DLGAP4: variants seen among roughly 807,000 people sequenced by gnomAD.
The protein encoded by DLGAP4 is disks large-associated protein 4.
Under a neutral mutation model 86.9 loss-of-function variants are expected in DLGAP4, and 18 were observed. That is an observed-to-expected ratio of 0.21 (90% CI 0.14 to 0.31). DLGAP4 has a LOEUF of 0.31. DLGAP4 is among the 10% of genes least tolerant of loss of function. The pLI, the probability that DLGAP4 is intolerant of heterozygous loss-of-function variation, is 1.00. For synonymous variants in DLGAP4, 548 were observed against 574.3 expected (o/e 0.95, Z 0.65); for missense variants, 1,085 against 1,362.6 (o/e 0.80, Z 3.21).
At position 36,527,166 on chromosome 20, in the gene DLGAP4, T is replaced by C. The variant is rs529502630; in HGVS notation, c.*135T>C. 1.1e-6 allele frequency: 1 copy of C among 937,978 alleles called. No homozygotes were observed. Among genetic ancestry groups the C allele is most frequent in the East Asian group, 2.8e-5 (1 of 35,680 alleles). The allele number at this position is 937,978 out of a possible 1,614,324, so 58.1% of individuals were successfully genotyped here. ...CTGAGCCAACTTTCAAATTGACGCA[T>C]ACAAGGGCTCACAATTTGGCTTTTT... On this transcript the variant is annotated 3_prime_UTR_variant, in exon 13 of 13. Coordinates refer to ENST00000339266, the MANE Select transcript of DLGAP4 (RefSeq NM_001365621.2).
At chr20:36,521,592 T>G (rs988731076) in intron 10 of DLGAP4, among the ~76,000 whole-genome samples, 2 of 152,184 alleles carry the variant, frequency 1.3e-5, no homozygotes, top group Admixed American at 6.6e-5. Context: ...ATTTTGTACC[T>G]GAAGCCTTTC....
At chr20:36,461,751 G>GGGGCCCCCCC in intron 7 of DLGAP4, 1 of 618,846 alleles carries the variant, frequency 1.6e-6, no homozygotes, top group Non-Finnish European at 1.9e-6. Context: ...CCGTCCGTCC[G>GGGGCCCCCCC]CCCGCCCGCC....
At chr20:36,427,842 C>T (rs1175399533) in intron 2 of DLGAP4, among the ~76,000 whole-genome samples, 2 of 151,040 alleles carry the variant, frequency 1.3e-5, no homozygotes, top group East Asian at 4.0e-4. Flanking sequence ...ACTAGTTAGG[C>T]TGAGGCACGA....
At chr20:36,514,052 C>T (rs911826724) in intron 10 of DLGAP4, among the ~76,000 whole-genome samples, 2 of 152,172 alleles carry the variant, frequency 1.3e-5, no homozygotes, top group African/African-American at 4.8e-5. Context: ...AGAAGACAAG[C>T]TGTCTAAAGA....
At position 36,461,640 on chromosome 20, in the gene DLGAP4, C is replaced by G. The variant is rs1312409359; in HGVS notation, c.1648+14703C>G. 59 of 916,024 alleles carry G rather than the reference C, an allele frequency of 6.4e-5. 1 individual carries two copies. In the Admixed American group the frequency reaches 3.7e-3, roughly 58 times the overall value. The allele number at this position is 916,024 out of a possible 1,614,324, so 56.7% of individuals were successfully genotyped here. On this transcript the variant is annotated intron_variant, in intron 7 of 12. Coordinates refer to ENST00000339266, the MANE Select transcript of DLGAP4 (RefSeq NM_001365621.2). ...GCGCCGCCCGGAGCAGCCGCGGCCC[C>G]GCGAGGAGACGGGGGCCGCCCCGCC...
At position 36,527,941 on chromosome 20, in the gene DLGAP4, A is replaced by T. The variant is rs1018392157; in HGVS notation, c.*910A>T. ...CGGCGGTGTCTGTATGTATGTGTAC[A>T]TATGCACATAGACCTTAGAGTGTAT... On this transcript the variant is annotated 3_prime_UTR_variant, in exon 13 of 13. Coordinates refer to ENST00000339266, the MANE Select transcript of DLGAP4 (RefSeq NM_001365621.2). 1.3e-5 allele frequency: 2 copies of T among 152,590 alleles called. No individual in the cohort carries two copies. Among genetic ancestry groups the T allele is most frequent in the African/African-American group, 4.8e-5 (2 of 41,456 alleles). The allele number at this position is 152,590 out of a possible 1,614,324, so 9.5% of individuals were successfully genotyped here. A position where few individuals can be genotyped will look rare whatever the true frequency, so the allele number is the denominator to read the frequency against.
At chr20:36,362,699 G>A (rs1433894080) in intron 1 of DLGAP4, among the ~76,000 whole-genome samples, 1 of 152,208 alleles carries the variant, frequency 6.6e-6, no homozygotes, top group Non-Finnish European at 1.5e-5. Flanking sequence ...CTACCCTTCG[G>A]GGCTGACACT....
rs191261710 is a variant in DLGAP4 at position 36,518,948 on chromosome 20, C to T, written c.2513-5302C>T. On this transcript the variant is annotated intron_variant, in intron 10 of 12. Coordinates refer to ENST00000339266, the MANE Select transcript of DLGAP4 (RefSeq NM_001365621.2). ...CTGGTCAACATCGTGAAACCCCCAT[C>T]TCTACTAAAAATACAAAAATTAGCC... Among the ~76,000 whole-genome samples, 24 of 152,174 alleles carry T rather than the reference C, an allele frequency of 1.6e-4. No individual in the cohort carries two copies. In the East Asian group the frequency reaches 4.4e-3, roughly 28 times the overall value.
At chr20:36,341,691 C>T (rs781808916) in intron 1 of DLGAP4, among the ~76,000 whole-genome samples, 2 of 152,242 alleles carry the variant, frequency 1.3e-5, no homozygotes, top group Non-Finnish European at 2.9e-5. Context: ...GCTGCCACCC[C>T]CTCAGTCCCT....
chr20:36,350,862 T>C lies in DLGAP4; in HGVS notation c.-303-16183T>C, dbSNP rs1170911991. Among the ~76,000 whole-genome samples, 6 of 152,206 alleles carry C rather than the reference T, an allele frequency of 3.9e-5. No individual in the cohort carries two copies. The highest frequency in any genetic ancestry group is 2.1e-4 in the South Asian group (1 of 4,832). On this transcript the variant is annotated intron_variant, in intron 1 of 12. Transcript: ENST00000339266. This position sits in a 1 kb window ranked among gnomAD's most constrained non-coding sequence, Gnocchi z 4.4. ...CTGCTGCCCCAGAGGCTGCTTGTGA[T>C]TGGGGGAAGGAGGGCTGTCCCTGCC... is the stretch of plus-strand genomic sequence containing the variant.
At chr20:36,406,267 G>A (rs949396406) in intron 2 of DLGAP4, among the ~76,000 whole-genome samples, 2 of 152,020 alleles carry the variant, frequency 1.3e-5, no homozygotes, top group Non-Finnish European at 1.5e-5. Flanking sequence ...GCATGGTGGC[G>A]GGCGCCTGTA....
At chr20:36,356,309 GTT>G (rs1186183501) in intron 1 of DLGAP4, among the ~76,000 whole-genome samples, 8 of 152,162 alleles carry the variant, frequency 5.3e-5, no homozygotes, top group South Asian at 4.2e-4. Flanking sequence ...TTGTTTGTTT[GTT>G]TGTTTGTTTG....
intron 2 of DLGAP4, among the ~76,000 whole-genome samples, chr20:36,386,558 A>AG (rs1414951566): frequency 2.0e-5 from 3 of 152,146 alleles, no homozygotes; most frequent in Admixed American, 1.3e-4. Flanking sequence ...ACCCAAACCC[A>AG]GGGGTGTTGT....
intron 2 of DLGAP4, among the ~76,000 whole-genome samples, chr20:36,415,537 C>CTGTATGCCAGCCTCT (rs1298595111): frequency 6.6e-6 from 1 of 152,192 alleles, no homozygotes; most frequent in Non-Finnish European, 1.5e-5. Context: ...GCAATACTTG[C>CTGTATGCCAGCCTCT]GTATTTGCTG....
intron 7 of DLGAP4, among the ~76,000 whole-genome samples, chr20:36,468,065 C>G (rs546797242): frequency 6.6e-6 from 1 of 152,316 alleles, no homozygotes; most frequent in East Asian, 1.9e-4. Flanking sequence ...TCCTAAAAGC[C>G]CACAAATCTT....
chr20:36,511,807 G>A lies in DLGAP4; in HGVS notation c.2512+11196G>A, dbSNP rs1286330401. 2.0e-5 allele frequency among the ~76,000 whole-genome samples: 3 copies of A among 150,690 alleles called. No individual in the cohort carries two copies. The East Asian group carries it at 6.2e-4, about 31-fold the overall frequency. ...GGAGAATCACTTGAACCCGGGAGGT[G>A]GAGGTTGCGGTGAGCCGAGATCATG... On this transcript the variant is annotated intron_variant, in intron 10 of 12. Coordinates refer to ENST00000339266, the MANE Select transcript of DLGAP4 (RefSeq NM_001365621.2).
intron 1 of DLGAP4, among the ~76,000 whole-genome samples, chr20:36,362,054 G>A (rs2030541028): frequency 6.6e-6 from 1 of 151,294 alleles, no homozygotes. Flanking sequence ...CACTTTGGGA[G>A]ACTGAGGCGG....
chr20:36,317,227 C>CT (rs1428102852), intron 1 of DLGAP4, among the ~76,000 whole-genome samples: 3 of 19,948 alleles, frequency 1.5e-4, no homozygotes, highest in African/African-American at 8.4e-4. Flanking sequence ...CTCCTTTTTT[C>CT]TTTCTTTCTT....
At chr20:36,371,306 T>A (rs1336458130) in intron 2 of DLGAP4, among the ~76,000 whole-genome samples, 1 of 152,198 alleles carries the variant, frequency 6.6e-6, no homozygotes, top group Non-Finnish European at 1.5e-5. Context: ...GGACATCTCT[T>A]GAGTCTAGTC....
Sources: gnomAD v4.1 joint callset for allele counts (sites outside exome capture counted in the v4.1 genomes callset) on GRCh38, gnomAD v4.1.1 for gene constraint, Gnocchi (gnomAD v3.1) non-coding constraint, MANE v1.5 for transcripts, NCBI Gene and HGNC (gene_info 2026-07-23, HGNC 2026-07-21) for gene names.